UGGT2: variants seen among roughly 807,000 people sequenced by gnomAD.
UGGT2 encodes the protein UDP-glucose:glycoprotein glucosyltransferase 2.
A neutral mutation model predicts 192.1 loss-of-function variants in UGGT2; 180 were observed. The ratio of observed to expected loss-of-function variants is 0.94; its 90% confidence interval spans 0.83 to 1.06. The LOEUF is 1.06. UGGT2 is among the 50% of genes least tolerant of loss of function. UGGT2 has a pLI of 0.00. For synonymous variants in UGGT2, 580 were observed against 591.0 expected (o/e 0.98, Z 0.27); for missense variants, 1,849 against 1,795.7 (o/e 1.03, Z -0.54).
At chr13:95,932,740 G>A (rs755917671) in intron 17 of UGGT2, among the ~76,000 whole-genome samples, 16 of 152,130 alleles carry the variant, frequency 1.1e-4, no homozygotes, top group East Asian at 3.9e-4. Context: ...CATAGATGGC[G>A]TTTATTATTT....
intron 22 of UGGT2, among the ~76,000 whole-genome samples, chr13:95,898,406 GACATGATTC>G (rs2048008539): frequency 1.3e-5 from 2 of 151,982 alleles, no homozygotes; most frequent in South Asian, 2.1e-4. Flanking sequence ...TAGAATAGCA[GACATGATTC>G]ACAGGATTCA....
chr13:95,834,117 T>TA (rs1887018032), intron 37 of UGGT2, among the ~76,000 whole-genome samples: 1 of 152,202 alleles, frequency 6.6e-6, no homozygotes, highest in Non-Finnish European at 1.5e-5. Context: ...ATGTCTTCTA[T>TA]ATAGTGAAGA....
chr13:96,045,924 C>G (rs941818207), intron 1 of UGGT2, among the ~76,000 whole-genome samples: 3 of 152,038 alleles, frequency 2.0e-5, no homozygotes, highest in Non-Finnish European at 2.9e-5. Context: ...AAGCAATCTA[C>G]AAATTCAATG....
At chr13:95,971,555 A>T (rs1213760570) in intron 11 of UGGT2, among the ~76,000 whole-genome samples, 1 of 152,124 alleles carries the variant, frequency 6.6e-6, no homozygotes, top group Non-Finnish European at 1.5e-5. Flanking sequence ...CTGCCATAAA[A>T]ATTTCCTCAT....
chr13:95,822,710 G>A (rs3125431), intron 38 of UGGT2, among the ~76,000 whole-genome samples: 47,024 of 151,792 alleles, frequency 0.31, 10,745 homozygotes, highest in African/African-American at 0.64. Context: ...TTTTTGGTTA[G>A]TCTCACTAAT....
chr13:95,983,580 G>A, intron 10 of UGGT2: 1 of 615,102 alleles, frequency 1.6e-6, no homozygotes, highest in Non-Finnish European at 3.1e-6. Context: ...TACCTCGGAA[G>A]AAATTCTGGA....
chr13:96,029,011 C>T lies in UGGT2; in HGVS notation c.241+2878G>A, dbSNP rs372746040. On this transcript the variant is annotated intron_variant, in intron 2 of 38. Transcript: ENST00000376747. ...AAAAAAATACAAAAAATTAGCCGGG[C>T]GTGGTGGTGGGCACCTGTAGCCCCA... is the stretch of plus-strand genomic sequence containing the variant. 7.6e-4 allele frequency among the ~76,000 whole-genome samples: 115 copies of T among 151,854 alleles called. No individual in the cohort carries two copies. The East Asian group carries it at 0.02, about 26-fold the overall frequency.
In UGGT2 at chr13:96,022,898, T is replaced by A. The variant is rs149535542; in HGVS notation, c.485+142A>T. On this transcript the variant is annotated intron_variant, in intron 4 of 38. Coordinates refer to ENST00000376747, the MANE Select transcript of UGGT2 (RefSeq NM_020121.4). The stretch of plus-strand genomic sequence containing the variant: ...CTAATCAAGACAAAACATTCTCAGA[T>A]ATATTACGGTTTTCAATACAAATCA... 234 of 450,966 alleles carry A rather than the reference T, an allele frequency of 5.2e-4. No individual in the cohort carries two copies. In the East Asian group the frequency reaches 8.6e-3, roughly 17 times the overall value. 27.9% of individuals were successfully genotyped at this position (450,966 alleles called of 1,614,324 possible). A position where few individuals can be genotyped will look rare whatever the true frequency, so the allele number is the denominator to read the frequency against.
intron 10 of UGGT2, 37 bp downstream of exon 10, chr13:95,983,767 G>C (rs761042498): frequency 9.4e-6 from 13 of 1,390,310 alleles, no homozygotes; most frequent in Non-Finnish European, 6.9e-6. Flanking sequence ...AGTGATATTA[G>C]TTGGGTAAAT....
intron 4 of UGGT2, among the ~76,000 whole-genome samples, chr13:96,022,559 C>G (rs954616452): frequency 6.7e-6 from 1 of 150,198 alleles, no homozygotes; most frequent in Non-Finnish European, 1.5e-5. Context: ...TATAAATAAT[C>G]AGGCAAAAAA....
intron 5 of UGGT2, among the ~76,000 whole-genome samples, chr13:96,011,705 T>C (rs1195474758): frequency 6.6e-6 from 1 of 152,094 alleles, no homozygotes; most frequent in Non-Finnish European, 1.5e-5. Context: ...CATATGTTCC[T>C]ACAAGAATCT....
rs150104845 is a variant in UGGT2 at position 95,810,756 on chromosome 13, C to CA, written c.4529-8945dup. Among the ~76,000 whole-genome samples, 52 of 151,672 alleles carry CA rather than the reference C, an allele frequency of 3.4e-4. No homozygotes were observed. The South Asian group carries it at 3.7e-3, about 11-fold the overall frequency. On this transcript the variant is annotated intron_variant, in intron 38 of 38. Transcript: ENST00000376747. ...TACCAAAAACACAAGCAAGGAAAGA[C>CA]AAAAAAACCTGAGTATCAAAAATAT...
At chr13:95,972,463 T>C (rs2050802571) in intron 11 of UGGT2, 117 bp downstream of exon 11, 1 of 970,016 alleles carries the variant, frequency 1.0e-6, no homozygotes, top group Non-Finnish European at 1.5e-6. Context: ...TTTTGTACAA[T>C]CAAAAACATG....
At chr13:95,856,407 A>C (rs1158370617) in intron 33 of UGGT2, 67 bp from the exon 34 acceptor site, 1 of 1,538,726 alleles carries the variant, frequency 6.5e-7, no homozygotes, top group Non-Finnish European at 8.7e-7. Context: ...AGAGAAAAAA[A>C]TAACATTAAA....
At chr13:95,821,120 G>C (rs750285155) in intron 38 of UGGT2, among the ~76,000 whole-genome samples, 4 of 152,068 alleles carry the variant, frequency 2.6e-5, no homozygotes, top group Non-Finnish European at 4.4e-5. Flanking sequence ...CGGGATTTCT[G>C]TATTGAATGG....
At chr13:95,832,766 A>C (rs754704839) in intron 38 of UGGT2, 161 bp downstream of exon 38, 13 of 1,028,784 alleles carry the variant, frequency 1.3e-5, no homozygotes, top group Non-Finnish European at 1.6e-5. Context: ...TTAAACTTGT[A>C]AGCTTAGTCT....
At chr13:96,013,262 T>C in intron 5 of UGGT2, 45 bp downstream of exon 5, 1 of 1,516,002 alleles carries the variant, frequency 6.6e-7, no homozygotes, top group Non-Finnish European at 8.8e-7. Context: ...TAATAATTGT[T>C]TTTTTCTACA....
intron 5 of UGGT2, among the ~76,000 whole-genome samples, chr13:96,004,451 G>A (rs2051906288): frequency 6.6e-6 from 1 of 152,168 alleles, no homozygotes; most frequent in African/African-American, 2.4e-5. Context: ...TGGGGATTAA[G>A]AGGGGATGGT....
intron 13 of UGGT2, among the ~76,000 whole-genome samples, chr13:95,948,327 C>T (rs1225162561): frequency 6.6e-6 from 1 of 151,840 alleles, no homozygotes. Flanking sequence ...TGGAATTTAA[C>T]ATCAGGCTAC....
Sources: allele counts gnomAD v4.1 joint callset (sites outside exome capture counted in the v4.1 genomes callset), GRCh38; gene constraint gnomAD v4.1.1; transcripts MANE v1.5; gene names NCBI Gene and HGNC (gene_info 2026-07-23, HGNC 2026-07-21).